The following RHCE variants were observed in gnomAD, a reference collection of about 807,000 sequenced individuals.
RHCE encodes the protein Rh blood group CcEe antigens.
In RHCE, 22 loss-of-function variants were observed where a neutral mutation model predicts 43.8. The observed-to-expected ratio is 0.50, with a 90% CI of 0.36 to 0.72. The LOEUF is 0.72. Ranked by LOEUF, RHCE falls within the 30% of genes least tolerant of loss-of-function variation. The pLI, the probability that RHCE is intolerant of heterozygous loss-of-function variation, is 0.00. For synonymous variants in RHCE, 156 were observed against 210.7 expected (o/e 0.74, Z 2.25); for missense variants, 385 against 525.4 (o/e 0.73, Z 2.61).
At chr1:25,421,383 C>T (rs602883), upstream of RHCE, among the ~76,000 whole-genome samples, 18 of 152,250 alleles carry the variant, frequency 1.2e-4, no homozygotes, top group South Asian at 4.1e-4. Flanking sequence ...TACATTTGAA[C>T]TTGTATTTAA....
chr1:25,411,445 T>C, intron 1 of RHCE: 1 of 1,549,826 alleles, frequency 6.5e-7, no homozygotes, highest in Non-Finnish European at 8.7e-7. Context: ...TACATTTAAA[T>C]TCACTTCCAT....
intron 6 of RHCE, 108 bp downstream of exon 6, chr1:25,388,868 C>T: frequency 1.3e-6 from 2 of 1,573,932 alleles, no homozygotes; most frequent in East Asian, 2.3e-5. Context: ...TAAGAGAATG[C>T]ACCAACACCT....
At chr1:25,405,917 CG>C (rs1646901574) in intron 2 of RHCE, among the ~76,000 whole-genome samples, 2 of 122,646 alleles carry the variant, frequency 1.6e-5, no homozygotes, top group Admixed American at 1.8e-4. Context: ...ACAGCCCTGA[CG>C]GGAACCGGTC....
At chr1:25,394,429 CAA>C (rs1221950563) in intron 3 of RHCE, among the ~76,000 whole-genome samples, 1 of 151,804 alleles carries the variant, frequency 6.6e-6, no homozygotes, top group East Asian at 1.9e-4. Context: ...GGTCTGTACT[CAA>C]AAAAAATCAC....
intron 3 of RHCE, among the ~76,000 whole-genome samples, chr1:25,400,031 C>A (rs1347773297): frequency 6.6e-6 from 1 of 152,108 alleles, no homozygotes; most frequent in Admixed American, 6.5e-5. Context: ...TGAACTGTCC[C>A]TGCATCGGCC....
At chr1:25,369,046 C>T (rs1168836873) in intron 9 of RHCE, among the ~76,000 whole-genome samples, 2 of 151,798 alleles carry the variant, frequency 1.3e-5, no homozygotes, top group Non-Finnish European at 2.9e-5. Context: ...CAGGCGTGAG[C>T]CACCATACCC....
intron 1 of RHCE, among the ~76,000 whole-genome samples, chr1:25,411,919 G>T (rs1647091873): frequency 1.3e-5 from 2 of 152,174 alleles, no homozygotes; most frequent in Admixed American, 6.5e-5. Context: ...AATGCTATAT[G>T]CATAGGGTCC....
intron 9 of RHCE, among the ~76,000 whole-genome samples, chr1:25,368,094 G>C (rs1183056053): frequency 6.6e-6 from 1 of 150,800 alleles, no homozygotes; most frequent in Non-Finnish European, 1.5e-5. Context: ...GGAAGTGTGT[G>C]GAAGTGATGG....
In RHCE at chr1:25,411,215, C is replaced by T. The variant is rs1647064966; in HGVS notation, c.149-2346G>A. ...ACAGAATAAGGGTAATTAGAGCCAC[C>T]TGAGAGGTTTCTGGGACATCCGAAG... On this transcript the variant is annotated intron_variant, in intron 1 of 9. Transcript: ENST00000294413. 5 of 1,249,338 alleles carry T rather than the reference C, an allele frequency of 4.0e-6. No homozygotes were observed. In the East Asian group the frequency reaches 1.3e-4, roughly 33 times the overall value. 77.4% of individuals were successfully genotyped at this position (1,249,338 alleles called of 1,614,324 possible). A position where few individuals can be genotyped will look rare whatever the true frequency, so the allele number is the denominator to read the frequency against.
intron 1 of RHCE, among the ~76,000 whole-genome samples, chr1:25,412,168 G>C (rs529340748): frequency 5.4e-4 from 82 of 151,520 alleles, no homozygotes; most frequent in Admixed American, 3.5e-3. Context: ...GCAGCAGAGC[G>C]CAGCTCTGAA....
chr1:25,420,085 G>C (rs147022518), intron 1 of RHCE, among the ~76,000 whole-genome samples: 2 of 151,418 alleles, frequency 1.3e-5, no homozygotes, highest in African/African-American at 4.9e-5. Flanking sequence ...GGGAGGCTGA[G>C]GTGGGAAGAT....
exon 1 of RHCE, chr1:25,430,133 A>T (rs1295688007): frequency 6.6e-6 from 1 of 151,734 alleles, no homozygotes; most frequent in Non-Finnish European, 1.5e-5. Flanking sequence ...CGGGGCCCAC[A>T]GCGCTGCCCA....
intron 7 of RHCE, among the ~76,000 whole-genome samples, chr1:25,380,852 A>C (rs1047064914): frequency 6.8e-6 from 1 of 147,726 alleles, no homozygotes; most frequent in Non-Finnish European, 1.5e-5. Flanking sequence ...CCTTGTCCTG[A>C]TGAACAGCCT....
intron 2 of RHCE, among the ~76,000 whole-genome samples, chr1:25,427,931 T>C (rs532422063): frequency 1.7e-4 from 26 of 152,202 alleles, no homozygotes; most frequent in Non-Finnish European, 2.9e-4. Context: ...TGAGTTGCCA[T>C]GTGAATTGGG....
chr1:25,371,298 G>A (rs1645605419), intron 8 of RHCE, among the ~76,000 whole-genome samples: 1 of 151,470 alleles, frequency 6.6e-6, no homozygotes, highest in Non-Finnish European at 1.5e-5. Context: ...TTCCACTTGT[G>A]TAGTTAGGAA....
At chr1:25,422,264 T>C (rs980152050), upstream of RHCE, among the ~76,000 whole-genome samples, 2 of 152,212 alleles carry the variant, frequency 1.3e-5, no homozygotes, top group African/African-American at 4.8e-5. Context: ...GCTACCAATA[T>C]GATGGTTCTG....
intron 6 of RHCE, among the ~76,000 whole-genome samples, chr1:25,387,933 A>G (rs568739442): frequency 2.7e-4 from 41 of 152,024 alleles, no homozygotes; most frequent in East Asian, 2.1e-3. Context: ...TGATTCTCGC[A>G]TCTCAGCCTC....
chr1:25,397,111 CAAAAAAAA>C lies in RHCE; in HGVS notation c.487-4978_487-4971del, dbSNP rs151106139. 1.9e-4 allele frequency among the ~76,000 whole-genome samples: 11 copies of C among 58,032 alleles called. No individual in the cohort carries two copies. In the South Asian group the frequency reaches 7.7e-3, roughly 40 times the overall value. The allele number at this position is 58,032 out of a possible 152,430, so 38.1% of individuals were successfully genotyped here. A position where few individuals can be genotyped will look rare whatever the true frequency, so the allele number is the denominator to read the frequency against. ...TGGGTGATGGAGCAAGACTCTGTCT[CAAAAAAAA>C]AAAAAAAAAAAAAAGAAATGTACAC... On this transcript the variant is annotated intron_variant, in intron 3 of 9. Transcript: ENST00000294413.
chr1:25,386,428 A>G (rs1450748688), intron 6 of RHCE, among the ~76,000 whole-genome samples: 1 of 152,162 alleles, frequency 6.6e-6, no homozygotes, highest in Non-Finnish European at 1.5e-5. Flanking sequence ...CTTCCTCCCC[A>G]TCACTCAGCC....
Sources: gnomAD v4.1 joint callset for allele counts (sites outside exome capture counted in the v4.1 genomes callset) on GRCh38, gnomAD v4.1.1 for gene constraint, MANE v1.5 for transcripts, NCBI Gene and HGNC (gene_info 2026-07-23, HGNC 2026-07-21) for gene names.